ANKHD1: variants seen among roughly 807,000 people sequenced by gnomAD.
The protein encoded by ANKHD1 is ankyrin repeat and KH domain-containing protein 1.
A neutral mutation model predicts 230.5 loss-of-function variants in ANKHD1; 31 were observed. The observed-to-expected ratio is 0.13, with a 90% CI of 0.10 to 0.18. ANKHD1 has a LOEUF of 0.18. Among genes scored for constraint, ANKHD1 ranks in the 10% least tolerant of loss-of-function variants. The pLI is 1.00. For missense variants in ANKHD1, 2,256 were observed against 3,071.3 expected (o/e 0.73, Z 6.27); for synonymous variants, 1,074 against 1,117.6 (o/e 0.96, Z 0.78).
intron 11 of ANKHD1, among the ~76,000 whole-genome samples, chr5:140,484,314 T>C (rs537656769): frequency 9.8e-5 from 15 of 152,340 alleles, no homozygotes; most frequent in African/African-American, 3.6e-4. Flanking sequence ...GTAGCTGAAC[T>C]AAAGTTATTT....
chr5:140,485,344 C>G lies in ANKHD1; in HGVS notation c.1998+96C>G. On this transcript the variant is annotated intron_variant, in intron 12 of 33. Coordinates refer to ENST00000360839, the MANE Select transcript of ANKHD1 (RefSeq NM_017747.3). This position sits in a 1 kb window ranked among gnomAD's most constrained non-coding sequence, Gnocchi z 4.8. The stretch of plus-strand genomic sequence containing the variant: ...AGCTGAGGCGGGTGGATCACTTGAG[C>G]CCAGGAGTTTGAGACTAGTCTAGGC... 1.4e-6 allele frequency: 2 copies of G among 1,457,284 alleles called. No individual in the cohort carries two copies. The highest frequency in any genetic ancestry group is 1.8e-6 in the Non-Finnish European group (2 of 1,103,044). The allele number at this position is 1,457,284 out of a possible 1,614,324, so 90.3% of individuals were successfully genotyped here. A position where few individuals can be genotyped will look rare whatever the true frequency, so the allele number is the denominator to read the frequency against.
At chr5:140,462,202 A>G (rs1411291092) in intron 9 of ANKHD1, among the ~76,000 whole-genome samples, 1 of 151,754 alleles carries the variant, frequency 6.6e-6, no homozygotes, top group Non-Finnish European at 1.5e-5. Flanking sequence ...GATACTTCAT[A>G]GGTGGTATTT....
At chr5:140,402,303 C>T (rs1168331421) in intron 1 of ANKHD1, 30 bp downstream of exon 1, 2 of 1,439,428 alleles carry the variant, frequency 1.4e-6, no homozygotes, top group Admixed American at 5.4e-5. Context: ...GCCTCCCACA[C>T]ATTGTGAGGC....
chr5:140,536,814 G>A (rs112370715), intron 30 of ANKHD1, among the ~76,000 whole-genome samples: 269 of 152,164 alleles, frequency 1.8e-3, no homozygotes, highest in African/African-American at 6.2e-3. Flanking sequence ...ACCTGAGGTT[G>A]GGAGTTTGAG....
chr5:140,452,503 G>T (rs1774830301), intron 7 of ANKHD1, among the ~76,000 whole-genome samples: 1 of 152,162 alleles, frequency 6.6e-6, no homozygotes, highest in South Asian at 2.1e-4. Context: ...ACACGGCCGG[G>T]TATCCCTCTG....
chr5:140,473,198 T>C (rs1252853127), intron 10 of ANKHD1, among the ~76,000 whole-genome samples: 1 of 151,870 alleles, frequency 6.6e-6, no homozygotes, highest in Non-Finnish European at 1.5e-5. Flanking sequence ...CTACCTAATT[T>C]TTTGCATCTT....
In ANKHD1 at chr5:140,496,882, C is replaced by T. The variant is rs907367460; in HGVS notation, c.2608C>T (p.His870Tyr). ...AGGTCAGAAAGACACAGTGTCTCTA[C>T]ACCAACAGTGCTCTCATAGAGGAGT... ...TKGQKDTVSL[H>Y]QQCSHRGVFP... The change falls in exon 15 of 34, where the codon CAC becomes TAC. Residue 870 changes from histidine to tyrosine, a missense_variant. By Grantham distance (83) the His-to-Tyr change is moderately conservative (BLOSUM62 2). This residue lies in a region of ANKHD1 where 358 missense variants were observed against 397.7 expected (regional missense o/e 0.90). Coordinates refer to ENST00000360839, the MANE Select transcript of ANKHD1 (RefSeq NM_017747.3). The T allele has an allele frequency of 6.2e-7, 1 of 1,614,176 alleles. No homozygotes were observed. The highest frequency in any genetic ancestry group is 8.5e-7 in the Non-Finnish European group (1 of 1,180,036).
chr5:140,441,122 T>C lies in ANKHD1; in HGVS notation c.893T>C (p.Val298Ala). 1 of 1,602,244 alleles carries C rather than the reference T, an allele frequency of 6.2e-7. No individual in the cohort carries two copies. The highest frequency in any genetic ancestry group is 8.5e-7 in the Non-Finnish European group (1 of 1,175,734). Residue 298 changes from valine to alanine, a missense_variant, in exon 5 of 34, where the codon GTC becomes GCC. By Grantham distance (64) the Val-to-Ala change is moderately conservative. Transcript: ENST00000360839. The part of the protein sequence containing the change: ...VKLLLLHDAD[V>A]NSQSATGNTA... ...TTATTACTTCTTCATGATGCTGATG[T>C]CAACTCCCAGTCTGCAACAGGTATG...
At chr5:140,477,613 ACTTTTT>A (rs111801450) in intron 10 of ANKHD1, among the ~76,000 whole-genome samples, 11 of 152,250 alleles carry the variant, frequency 7.2e-5, no homozygotes, top group East Asian at 3.9e-4. Context: ...GAAGGAAAAT[ACTTTTT>A]CTTTTTGTTT....
intron 5 of ANKHD1, among the ~76,000 whole-genome samples, chr5:140,445,360 G>A (rs1774199004): frequency 6.6e-6 from 1 of 151,802 alleles, no homozygotes; most frequent in African/African-American, 2.4e-5. Context: ...CAAAATTAGT[G>A]GGGCATGGTG....
chr5:140,410,181 C>CAGAAA (rs1770816003), intron 1 of ANKHD1, among the ~76,000 whole-genome samples: 1 of 152,062 alleles, frequency 6.6e-6, no homozygotes, highest in Non-Finnish European at 1.5e-5. Flanking sequence ...ATTATATAGC[C>CAGAAA]TTTCAGAATT....
At chr5:140,434,329 A>G (rs1773279421) in intron 1 of ANKHD1, among the ~76,000 whole-genome samples, 1 of 151,462 alleles carries the variant, frequency 6.6e-6, no homozygotes, top group African/African-American at 2.4e-5. Context: ...GAAGTACTTA[A>G]TCTTTCTGTT....
At chr5:140,496,078 T>C (rs909595556) in intron 14 of ANKHD1, among the ~76,000 whole-genome samples, 1 of 152,206 alleles carries the variant, frequency 6.6e-6, no homozygotes, top group Non-Finnish European at 1.5e-5. Context: ...TTGATATTGC[T>C]AAAAGAATGA....
In ANKHD1 at chr5:140,524,210, G is replaced by A; in HGVS notation, c.4462G>A (p.Asp1488Asn). 1 of 1,585,670 alleles carries A rather than the reference G, an allele frequency of 6.3e-7. No individual in the cohort carries two copies. Among genetic ancestry groups the A allele is most frequent in the Non-Finnish European group, 8.5e-7 (1 of 1,172,906 alleles). ...TAAGGAGAATTCGGAACTACCAGAGGATGAAGATGAAGAGGAGAATGATGA... is the reference window on the plus strand; with the variant it reads ...TAAGGAGAATTCGGAACTACCAGAGAATGAAGATGAAGAGGAGAATGATGA... ...KPKENSELPEDEDEEENDEDV... is the reference protein window; with the variant it reads ...KPKENSELPENEDEEENDEDV... Residue 1488 changes from aspartate (D) to asparagine (N), a missense_variant, in exon 25 of 34, where the codon GAT (aspartate) becomes AAT (asparagine). Transcript: ENST00000360839.
At chr5:140,446,958 G>A (rs1452200888) in intron 6 of ANKHD1, among the ~76,000 whole-genome samples, 2 of 151,978 alleles carry the variant, frequency 1.3e-5, no homozygotes, top group African/African-American at 4.8e-5. Context: ...TGCCCAGGCT[G>A]GAGTGCAATG....
chr5:140,523,920 C>T, intron 24 of ANKHD1, 146 bp from the exon 25 acceptor site: 1 of 1,088,274 alleles, frequency 9.2e-7, no homozygotes, highest in African/African-American at 1.7e-5. Context: ...TTGATGGTGT[C>T]CAGTTTATTT....
At chr5:140,423,015 C>G (rs1197751890) in intron 1 of ANKHD1, among the ~76,000 whole-genome samples, 1 of 151,716 alleles carries the variant, frequency 6.6e-6, no homozygotes. Context: ...CCACACCCCA[C>G]CCCTGCAGCT....
intron 25 of ANKHD1, among the ~76,000 whole-genome samples, 200 bp downstream of exon 25, chr5:140,524,440 G>A (rs375888253): frequency 2.6e-4 from 40 of 152,308 alleles, no homozygotes; most frequent in Middle Eastern, 3.4e-3. Flanking sequence ...GAAAACAAGC[G>A]CATAATTTGA....
intron 15 of ANKHD1, among the ~76,000 whole-genome samples, chr5:140,499,600 G>A (rs1229762632): frequency 6.6e-6 from 1 of 152,056 alleles, no homozygotes; most frequent in South Asian, 2.1e-4. Flanking sequence ...ATTTATTAAT[G>A]TTGCAACTTG....
Sources: gnomAD v4.1 joint callset for allele counts (sites outside exome capture counted in the v4.1 genomes callset) on GRCh38, gnomAD v4.1.1 for gene constraint, gnomAD v4.1.1 regional missense constraint, Gnocchi (gnomAD v3.1) non-coding constraint, MANE v1.5 for transcripts, NCBI Gene and HGNC (gene_info 2026-07-23, HGNC 2026-07-21) for gene names.